The following TSPAN11 variants were observed in gnomAD, a reference collection of about 807,000 sequenced individuals.
The protein encoded by TSPAN11 is tetraspanin-11.
TSPAN11 carries 29 observed loss-of-function variants against 32.9 expected under a neutral mutation model. The ratio of observed to expected loss-of-function variants is 0.88; its 90% CI spans 0.66 to 1.20. The LOEUF (loss-of-function observed/expected upper bound fraction) is 1.20, where lower values mean the gene tolerates loss of function less well. Among genes scored for constraint, TSPAN11 ranks in the 50% most tolerant of loss-of-function variants. The pLI, the probability that TSPAN11 is intolerant of heterozygous loss-of-function variation, is 0.00. For missense variants in TSPAN11, 283 were observed against 329.1 expected, an observed-to-expected ratio of 0.86 and a Z score of 1.08; for synonymous variants, 140 against 141.3, an observed-to-expected ratio of 0.99 and a Z score of 0.07.
intron 1 of TSPAN11, among the ~76,000 whole-genome samples, chr12:30,940,693 C>T (rs1487834061): frequency 6.6e-6 from 1 of 152,110 alleles, no homozygotes; most frequent in African/African-American, 2.4e-5. Context: ...CTGTAACATG[C>T]GGACAATGCG....
chr12:30,985,313 A>G (rs1294578160), intron 7 of TSPAN11, among the ~76,000 whole-genome samples: 1 of 152,190 alleles, frequency 6.6e-6, no homozygotes, highest in East Asian at 1.9e-4. Flanking sequence ...CACTTGGCTC[A>G]TGGCTGAGCA....
In TSPAN11 at chr12:30,975,969, T is replaced by C. The variant is rs917163631; in HGVS notation, c.277-2592T>C. Among the ~76,000 whole-genome samples, 15 of 152,078 alleles carry C rather than the reference T, an allele frequency of 9.9e-5. No homozygotes were observed. Among genetic ancestry groups the C allele is most frequent in the Middle Eastern group, 6.8e-3 (2 of 294 alleles). ...GTAGCTGAGGATGGTGGAGGGAAGT[T>C]TGGAGCAGGCAGGAAGGGCACGCAT... On this transcript the variant is annotated intron_variant, in intron 3 of 7. Coordinates refer to ENST00000546076, the MANE Select transcript of TSPAN11 (RefSeq NM_001370302.1). This position sits in a 1 kb window ranked among gnomAD's most constrained non-coding sequence, Gnocchi z 4.5.
At chr12:31,007,454 T>C in the TSPAN11 span, among the ~76,000 whole-genome samples, 1 of 151,924 alleles carries the variant, frequency 6.6e-6, no homozygotes, top group Non-Finnish European at 1.5e-5. Context: ...GGATAGGTCG[T>C]CTGCCCTACC....
rs187539341 is a variant in TSPAN11 at position 30,939,331 on chromosome 12, T to C, written c.-12+12535T>C. Reference sequence around the variant, plus strand: ...CTGGGCCAGTTGAGGGCCCGACCACTGTGCTGAAGCTGCAGGGGGCTGGGT... The same window carrying C: ...CTGGGCCAGTTGAGGGCCCGACCACCGTGCTGAAGCTGCAGGGGGCTGGGT... On this transcript the variant is annotated intron_variant, in intron 1 of 7. Coordinates refer to ENST00000546076, the MANE Select transcript of TSPAN11 (RefSeq NM_001370302.1). Among the ~76,000 whole-genome samples the C allele has an allele frequency of 1.0e-3, 153 of 151,930 alleles. 1 individual carries two copies. The highest frequency in any genetic ancestry group is 2.6e-3 in the Admixed American group (40 of 15,286).
At chr12:30,955,247 A>C (rs1326714336) in intron 2 of TSPAN11, 1 of 152,178 alleles carries the variant, frequency 6.6e-6, no homozygotes, top group African/African-American at 2.4e-5. Flanking sequence ...TAATAAAATA[A>C]TTTGTCACTT....
At chr12:30,927,373 G>A (rs1188823706) in intron 1 of TSPAN11, among the ~76,000 whole-genome samples, 1 of 152,264 alleles carries the variant, frequency 6.6e-6, no homozygotes, top group African/African-American at 2.4e-5. Context: ...CCGGCTCCGT[G>A]TGGAAAGAAG....
chr12:30,979,714 A>T (rs772875426), intron 5 of TSPAN11, 44 bp downstream of exon 5: 17 of 1,595,716 alleles, frequency 1.1e-5, no homozygotes, highest in Non-Finnish European at 2.6e-6. Flanking sequence ...GCCCACAAGG[A>T]TTCAAATCCC....
chr12:30,980,324 A>T (rs1305613401), intron 5 of TSPAN11, among the ~76,000 whole-genome samples: 6 of 152,212 alleles, frequency 3.9e-5, no homozygotes, highest in African/African-American at 1.4e-4. Context: ...TTTCAGCTCA[A>T]TTAAATACAA....
At chr12:30,968,985 G>A (rs1938793710) in intron 3 of TSPAN11, among the ~76,000 whole-genome samples, 1 of 152,196 alleles carries the variant, frequency 6.6e-6, no homozygotes, top group African/African-American at 2.4e-5. Flanking sequence ...ACAGGATGAT[G>A]TGTGAGGATA....
the TSPAN11 span, among the ~76,000 whole-genome samples, chr12:31,003,545 C>T: frequency 6.6e-6 from 1 of 152,176 alleles, no homozygotes; most frequent in African/African-American, 2.4e-5. Context: ...CCACACATCT[C>T]CCAATGCACT....
intron 3 of TSPAN11, among the ~76,000 whole-genome samples, chr12:30,976,701 C>T (rs1328245364): frequency 1.3e-5 from 2 of 152,186 alleles, no homozygotes; most frequent in Non-Finnish European, 2.9e-5. Flanking sequence ...CACTTCCTGA[C>T]CTCCTCCCAG....
chr12:30,989,989 G>A (rs1939278727), intron 7 of TSPAN11, among the ~76,000 whole-genome samples: 1 of 152,230 alleles, frequency 6.6e-6, no homozygotes, highest in South Asian at 2.1e-4. Flanking sequence ...AGCTGGCCTT[G>A]TGTTGTCTCT....
intron 3 of TSPAN11, chr12:30,978,251 T>C (rs962100561): frequency 8.2e-6 from 3 of 366,798 alleles, no homozygotes; most frequent in Non-Finnish European, 1.0e-5. Context: ...CACTCATCTG[T>C]CTTCCCACCA....
chr12:30,996,554 T>A lies in TSPAN11; in HGVS notation c.*4639T>A, dbSNP rs1483988009. The A allele has an allele frequency of 1.3e-5, 2 of 152,198 alleles. No homozygotes were observed. Among genetic ancestry groups the A allele is most frequent in the Non-Finnish European group, 2.9e-5 (2 of 68,034 alleles). 9.4% of individuals were successfully genotyped at this position (152,198 alleles called of 1,614,324 possible). ...TGATCTAGGTGGAAGCCCAGCTTCATGTGCTAGGGGGCATGATAATGATAA... is the reference window on the plus strand; with the variant it reads ...TGATCTAGGTGGAAGCCCAGCTTCAAGTGCTAGGGGGCATGATAATGATAA... On this transcript the variant is annotated 3_prime_UTR_variant, in exon 8 of 8. Coordinates refer to ENST00000546076, the MANE Select transcript of TSPAN11 (RefSeq NM_001370302.1).
downstream of TSPAN11, chr12:30,999,331 A>G (rs1592504629): frequency 6.6e-6 from 1 of 152,088 alleles, no homozygotes. Flanking sequence ...AATAAAAAAA[A>G]GAAAAAGAAA....
intron 3 of TSPAN11, among the ~76,000 whole-genome samples, chr12:30,969,459 C>T (rs2140296977): frequency 6.6e-6 from 1 of 152,328 alleles, no homozygotes. Context: ...TCCAGCGTGG[C>T]TTATGCAGTG....
At chr12:30,952,522 T>C (rs1275103773) in intron 1 of TSPAN11, among the ~76,000 whole-genome samples, 1 of 152,178 alleles carries the variant, frequency 6.6e-6, no homozygotes, top group Non-Finnish European at 1.5e-5. Flanking sequence ...CAAATAGAAA[T>C]CACAAATAAG....
At chr12:30,938,010 A>G (rs1018257109) in intron 1 of TSPAN11, among the ~76,000 whole-genome samples, 1 of 152,178 alleles carries the variant, frequency 6.6e-6, no homozygotes, top group Non-Finnish European at 1.5e-5. Flanking sequence ...TGTCAAGAAT[A>G]CTATATGGCC....
intron 3 of TSPAN11, among the ~76,000 whole-genome samples, chr12:30,966,699 A>AC (rs1259756974): frequency 1.3e-5 from 2 of 152,158 alleles, no homozygotes; most frequent in African/African-American, 4.8e-5. Flanking sequence ...TGCAGGGCAC[A>AC]CCCTGCCCTC....
Sources: gnomAD v4.1 joint callset for allele counts (sites outside exome capture counted in the v4.1 genomes callset) on GRCh38, gnomAD v4.1.1 for gene constraint, Gnocchi (gnomAD v3.1) non-coding constraint, MANE v1.5 for transcripts, NCBI Gene and HGNC (gene_info 2026-07-23, HGNC 2026-07-21) for gene names.